The following SCART1 variants were observed in gnomAD, a reference collection of about 807,000 sequenced individuals.
SCART1 encodes the protein scavenger receptor family member expressed on T cells 1, also known as scavenger receptor cysteine-rich domain-containing protein SCART1.
A neutral mutation model predicts 36.2 loss-of-function variants in SCART1; 62 were observed. That is an observed-to-expected ratio of 1.71 (90% CI 1.40 to 2.12). SCART1 has a LOEUF of 2.12. SCART1 is among the 30% of genes most tolerant of loss of function. The pLI is 0.00. For synonymous variants in SCART1, 487 were observed against 238.7 expected (o/e 2.04, Z -9.59); for missense variants, 1,041 against 540.5 (o/e 1.93, Z -9.18).
chr10:133,456,253 G>A, exon 2 of SCART1: 1 of 702,572 alleles, frequency 1.4e-6, no homozygotes, highest in South Asian at 1.5e-5. Context: ...CAGGTGCTCT[G>A]AGGCTGGCGT....
At chr10:133,455,806 G>C (rs1012992939) in intron 1 of SCART1, among the ~76,000 whole-genome samples, 1 of 152,106 alleles carries the variant, frequency 6.6e-6, no homozygotes, top group East Asian at 1.9e-4. Flanking sequence ...GGACAGGACC[G>C]AAGGGTGAGC....
chr10:133,457,408 G>A (rs1021566485), exon 3 of SCART1: 29 of 702,056 alleles, frequency 4.1e-5, no homozygotes, highest in Admixed American at 8.0e-5. Context: ...GTGTTCTGCC[G>A]GGAGCTGGGG....
exon 12 of SCART1, chr10:133,467,963 T>C (rs938191177): frequency 4.9e-5 from 34 of 691,140 alleles, no homozygotes; most frequent in Non-Finnish European, 8.5e-5. Context: ...GGAGATGACG[T>C]TGTAAAGCAA....
exon 4 of SCART1, chr10:133,458,452 C>A (rs756847050): frequency 2.9e-6 from 2 of 697,522 alleles, no homozygotes; most frequent in Non-Finnish European, 2.6e-6. Flanking sequence ...GGCCCTGGAC[C>A]TGGCCACGGC....
exon 6 of SCART1, chr10:133,459,818 C>T: frequency 1.6e-6 from 1 of 613,378 alleles, no homozygotes; most frequent in South Asian, 1.8e-5. Flanking sequence ...AGGTCGGAAC[C>T]GCGTCCCCCA....
At chr10:133,454,462 G>T (rs1229576785) in intron 1 of SCART1, among the ~76,000 whole-genome samples, 1 of 152,184 alleles carries the variant, frequency 6.6e-6, no homozygotes, top group Non-Finnish European at 1.5e-5. Context: ...GCATCTGGCA[G>T]TGAGGTTGAG....
At chr10:133,460,214 G>C in intron 6 of SCART1, 44 bp downstream of exon 6, 1 of 449,660 alleles carries the variant, frequency 2.2e-6, no homozygotes, top group Middle Eastern at 2.9e-4. Context: ...GTTTTATTAC[G>C]TACAGTCATG....
chr10:133,454,315 C>T (rs1016001527), intron 1 of SCART1, among the ~76,000 whole-genome samples: 1 of 152,122 alleles, frequency 6.6e-6, no homozygotes. Context: ...AGGCCCTGGA[C>T]AAAATGAGGG....
exon 12 of SCART1, chr10:133,468,519 G>A (rs979375390): frequency 6.6e-6 from 1 of 152,220 alleles, no homozygotes; most frequent in African/African-American, 2.4e-5. Context: ...CAGTGTTGAA[G>A]AGAGGCAGCC....
chr10:133,457,366 G>A (rs878913042), exon 3 of SCART1: 17 of 701,486 alleles, frequency 2.4e-5, no homozygotes, highest in South Asian at 1.6e-4. Context: ...GGGGTGGACC[G>A]CCTCTGTGTC....
At chr10:133,464,131 C>A (rs1373523585) in intron 6 of SCART1, 1 of 156,748 alleles carries the variant, frequency 6.4e-6, no homozygotes, top group Non-Finnish European at 1.4e-5. Context: ...CGTATTGCTG[C>A]AAATGATGGG....
exon 12 of SCART1, chr10:133,468,163 G>A: frequency 2.1e-6 from 1 of 472,350 alleles, no homozygotes; most frequent in African/African-American, 1.9e-5. Context: ...CATCTGCTGT[G>A]GACAGTTGTG....
chr10:133,465,280 G>A (rs1269923334), exon 9 of SCART1: 16 of 687,312 alleles, frequency 2.3e-5, no homozygotes, highest in South Asian at 4.6e-5. Context: ...GCGCGGGGGC[G>A]AGGACCGCTG....
rs1285729470 is a variant in SCART1, at chr10:133,465,402, C to T, written c.2496C>T (p.Ala832=). The T allele has an allele frequency of 8.3e-5, 50 of 605,238 alleles. No individual in the cohort carries two copies. In the Admixed American group the frequency reaches 1.4e-3, roughly 17 times the overall value. The allele number at this position is 605,238 out of a possible 1,614,324, so 37.5% of individuals were successfully genotyped here. A position where few individuals can be genotyped will look rare whatever the true frequency, so the allele number is the denominator to read the frequency against. Residue 832 remains alanine (A), a synonymous_variant, in exon 9 of 12, where the codon GCC becomes GCT. Coordinates refer to ENST00000640237, the Ensembl canonical transcript of SCART1. ...GCCGCCAGCTGGGCTGTGGTCGGGC[C>T]GTCGCCGCCCTGGGGGCCGCCGCCT...
chr10:133,463,313 G>C (rs1333913147), intron 6 of SCART1, among the ~76,000 whole-genome samples: 1 of 152,086 alleles, frequency 6.6e-6, no homozygotes, highest in African/African-American at 2.4e-5. Flanking sequence ...TTTGTGGTAA[G>C]AGCACCTAAA....
chr10:133,459,419 C>T, intron 5 of SCART1, 68 bp from the exon 6 acceptor site: 1 of 615,642 alleles, frequency 1.6e-6, no homozygotes, highest in Non-Finnish European at 2.9e-6. Context: ...GAGGTACGGG[C>T]CCTGCTGGGG....
chr10:133,468,222 A>T (rs1273634167), exon 12 of SCART1: 1 of 336,390 alleles, frequency 3.0e-6, no homozygotes, highest in East Asian at 4.5e-5. Flanking sequence ...GCAAATACAC[A>T]TAGAAATCAG....
At chr10:133,465,376 T>G in exon 9 of SCART1, 1 of 669,074 alleles carries the variant, frequency 1.5e-6, no homozygotes, top group Non-Finnish European at 2.7e-6. Context: ...GGAGGTCGTG[T>G]GCCGCCAGCT....
At chr10:133,469,591 CAG>C (rs200553578), downstream of SCART1, among the ~76,000 whole-genome samples, 4,158 of 151,196 alleles carry the variant, frequency 0.028, 147 homozygotes, top group African/African-American at 0.092. Context: ...TGGGGCCTGT[CAG>C]GGGGTGGGGG....
Sources: gnomAD v4.1 joint callset for allele counts (sites outside exome capture counted in the v4.1 genomes callset) on GRCh38, gnomAD v4.1.1 for gene constraint, MANE v1.5 for transcripts, NCBI Gene and HGNC (gene_info 2026-07-23, HGNC 2026-07-21) for gene names.